CACNB2: variants seen among roughly 807,000 people sequenced by gnomAD.
The protein encoded by CACNB2 is calcium voltage-gated channel auxiliary subunit beta 2, also known as voltage-dependent L-type calcium channel subunit beta-2.
In CACNB2, 42 loss-of-function variants were observed where a neutral mutation model predicts 73.3. That is an observed-to-expected ratio of 0.57 (90% CI 0.45 to 0.74). CACNB2 has a LOEUF of 0.74. Ranked by LOEUF, CACNB2 falls within the 30% of genes least tolerant of loss-of-function variation. CACNB2 has a pLI of 0.00. For missense variants in CACNB2, 940 were observed against 853.0 expected, an observed-to-expected ratio of 1.10 and a Z score of -1.27; for synonymous variants, 348 against 310.3, an observed-to-expected ratio of 1.12 and a Z score of -1.28.
chr10:18,458,257 A>G (rs1340359561), intron 3 of CACNB2, among the ~76,000 whole-genome samples: 1 of 152,194 alleles, frequency 6.6e-6, no homozygotes, highest in East Asian at 1.9e-4. Context: ...AGATAAAAAT[A>G]GTGAGATTCA....
In CACNB2 at chr10:18,296,236, C is replaced by T. The variant is rs78835610; in HGVS notation, c.214-105688C>T. Reference sequence around the variant, plus strand: ...TTCTTTTTTATTCTCTGAATGTTTGCCACTGTCATCAGAAAGAGCTCCCTG... The same window carrying T: ...TTCTTTTTTATTCTCTGAATGTTTGTCACTGTCATCAGAAAGAGCTCCCTG... On this transcript the variant is annotated intron_variant, in intron 2 of 13. Transcript: ENST00000324631. Among the ~76,000 whole-genome samples the T allele has an allele frequency of 3.0e-3, 463 of 152,042 alleles. 4 individuals are homozygous for T. Among genetic ancestry groups the T allele is most frequent in the African/African-American group, 0.011 (448 of 41,496 alleles).
At position 18,498,292 on chromosome 10, in the gene CACNB2, G is replaced by A. The variant is rs569639143; in HGVS notation, c.334-63G>A. On this transcript the variant is annotated intron_variant, in intron 3 of 13. Coordinates refer to ENST00000324631, the MANE Select transcript of CACNB2 (RefSeq NM_201596.3). ...TATTCAGTATGTCTTTGTGTTTGAG[G>A]GAAAAAGGAGGGACAGTGTTGTTTT... is the stretch of plus-strand genomic sequence containing the variant. The A allele has an allele frequency of 1.9e-5, 31 of 1,597,620 alleles. No homozygotes were observed. The South Asian group carries it at 3.2e-4, about 17-fold the overall frequency.
chr10:18,157,008 A>C (rs1450426410), intron 2 of CACNB2, among the ~76,000 whole-genome samples: 1 of 151,014 alleles, frequency 6.6e-6, no homozygotes, highest in Non-Finnish European at 1.5e-5. Context: ...GCGCCATTGC[A>C]CTCAGATTGC....
intron 2 of CACNB2, among the ~76,000 whole-genome samples, chr10:18,170,211 T>C (rs754252259): frequency 3.9e-5 from 6 of 152,042 alleles, no homozygotes; most frequent in Non-Finnish European, 8.8e-5. Context: ...TGAGGAGGGG[T>C]GTTCCTTCTC....
intron 3 of CACNB2, among the ~76,000 whole-genome samples, chr10:18,471,551 C>T (rs368619072): frequency 4.7e-4 from 71 of 152,142 alleles, no homozygotes; most frequent in Admixed American, 1.2e-3. Context: ...CCATGGTTTA[C>T]GCCTTTGTAT....
rs181030252 is a variant in CACNB2 at position 18,506,633 on chromosome 10, C to T, written c.670+86C>T. ...CCAGTTTTGTGAATTTACGTATACACTGAATCACTATGTTAACCCTACAGA... is the reference window on the plus strand; with the variant it reads ...CCAGTTTTGTGAATTTACGTATACATTGAATCACTATGTTAACCCTACAGA... On this transcript the variant is annotated intron_variant, in intron 6 of 13. Transcript: ENST00000324631. The T allele has an allele frequency of 7.0e-5, 59 of 838,550 alleles. No homozygotes were observed. In the African/African-American group the frequency reaches 9.3e-4, roughly 13 times the overall value. The allele number at this position is 838,550 out of a possible 1,614,324, so 51.9% of individuals were successfully genotyped here. A position where few individuals can be genotyped will look rare whatever the true frequency, so the allele number is the denominator to read the frequency against.
intron 2 of CACNB2, among the ~76,000 whole-genome samples, chr10:18,398,423 G>C (rs1174380309): frequency 3.3e-5 from 5 of 152,080 alleles, no homozygotes; most frequent in African/African-American, 1.2e-4. Flanking sequence ...CCAACACTTT[G>C]GGAGGCTGAG....
At position 18,140,552 on chromosome 10, in the gene CACNB2, C is replaced by G; in HGVS notation, c.-185C>G. ...TTCGCCCGATGCCCCGGCCCCGTCC[C>G]GCGCACTGAGCGCCTGGCAGCAGGG... is the stretch of plus-strand genomic sequence containing the variant. On this transcript the variant is annotated 5_prime_UTR_variant, in exon 1 of 14. Coordinates refer to ENST00000324631, the MANE Select transcript of CACNB2 (RefSeq NM_201596.3). 2.5e-6 allele frequency: 1 copy of G among 395,374 alleles called. No homozygotes were observed. Among genetic ancestry groups the G allele is most frequent in the Non-Finnish European group, 4.4e-6 (1 of 228,910 alleles). 24.5% of individuals were successfully genotyped at this position (395,374 alleles called of 1,614,324 possible). A position where few individuals can be genotyped will look rare whatever the true frequency, so the allele number is the denominator to read the frequency against.
At chr10:18,500,235 AG>A (rs2050120373) in intron 4 of CACNB2, among the ~76,000 whole-genome samples, 1 of 152,234 alleles carries the variant, frequency 6.6e-6, no homozygotes, top group Non-Finnish European at 1.5e-5. Context: ...TATTCAATCG[AG>A]GAAAAAGAAG....
intron 13 of CACNB2, 177 bp from the exon 14 acceptor site, chr10:18,539,048 ATATAG>A: frequency 1.4e-6 from 1 of 711,252 alleles, no homozygotes; most frequent in Non-Finnish European, 2.4e-6. Flanking sequence ...GTCCAATTTA[ATATAG>A]TATAGTATAA....
chr10:18,327,902 G>C (rs1225904000), intron 2 of CACNB2, among the ~76,000 whole-genome samples: 2 of 152,168 alleles, frequency 1.3e-5, no homozygotes, highest in African/African-American at 4.8e-5. Flanking sequence ...CAAGACTTCA[G>C]GGCAAGGGGA....
intron 2 of CACNB2, chr10:18,261,323 T>C: frequency 6.4e-7 from 1 of 1,551,582 alleles, no homozygotes; most frequent in Non-Finnish European, 8.7e-7. Context: ...CCTATGTAAG[T>C]TTCTATTGCT....
chr10:18,217,092 T>G (rs2035542577), intron 2 of CACNB2, among the ~76,000 whole-genome samples: 1 of 152,164 alleles, frequency 6.6e-6, no homozygotes, highest in African/African-American at 2.4e-5. Context: ...GATGCATTGG[T>G]GAGCAAATAT....
chr10:18,382,577 C>T (rs1398778382), intron 2 of CACNB2, among the ~76,000 whole-genome samples: 1 of 152,044 alleles, frequency 6.6e-6, no homozygotes, highest in Non-Finnish European at 1.5e-5. Flanking sequence ...GTGCGTTGTT[C>T]CCCTCCCTGT....
At chr10:18,464,025 G>C (rs186393390) in intron 3 of CACNB2, among the ~76,000 whole-genome samples, 3 of 152,178 alleles carry the variant, frequency 2.0e-5, no homozygotes, top group Non-Finnish European at 2.9e-5. Flanking sequence ...TGTGCTGTCA[G>C]AGAAGTCATA....
At chr10:18,366,903 C>G (rs971989539) in intron 2 of CACNB2, among the ~76,000 whole-genome samples, 2 of 152,106 alleles carry the variant, frequency 1.3e-5, no homozygotes, top group African/African-American at 4.8e-5. Flanking sequence ...TGTCTGAGAG[C>G]CTATTTTAAG....
intron 2 of CACNB2, among the ~76,000 whole-genome samples, chr10:18,243,007 CAAAAAAA>C (rs68136708): frequency 1.5e-5 from 2 of 134,896 alleles, no homozygotes; most frequent in African/African-American, 5.6e-5. Flanking sequence ...AAGACTGTCT[CAAAAAAA>C]AAAAACAAAA....
intron 2 of CACNB2, among the ~76,000 whole-genome samples, chr10:18,277,061 G>A (rs1047466417): frequency 6.6e-6 from 1 of 152,322 alleles, no homozygotes; most frequent in Non-Finnish European, 1.5e-5. Flanking sequence ...AGGCTGCAGT[G>A]AGCCGTGTTC....
At chr10:18,286,287 C>G (rs971611960) in intron 2 of CACNB2, among the ~76,000 whole-genome samples, 4 of 151,908 alleles carry the variant, frequency 2.6e-5, no homozygotes, top group African/African-American at 9.7e-5. Flanking sequence ...GAGGCCAAGG[C>G]GGGCGGATCA....
Sources: allele counts gnomAD v4.1 joint callset (sites outside exome capture counted in the v4.1 genomes callset), GRCh38; gene constraint gnomAD v4.1.1; transcripts MANE v1.5; gene names NCBI Gene and HGNC (gene_info 2026-07-23, HGNC 2026-07-21).